The following ANKFN1 variants were observed in gnomAD, a reference collection of about 807,000 sequenced individuals.
ANKFN1 encodes ankyrin repeat and fibronectin type III domain containing 1.
A neutral mutation model predicts 108.7 loss-of-function variants in ANKFN1; 74 were observed. That is an observed-to-expected ratio of 0.68 (90% CI 0.56 to 0.83). The LOEUF (loss-of-function observed/expected upper bound fraction) is 0.83, where lower values mean the gene tolerates loss of function less well. ANKFN1 is among the 40% of genes least tolerant of loss of function. The pLI is 0.00. For missense variants in ANKFN1, 1,505 were observed against 1,382.3 expected, an observed-to-expected ratio of 1.09 and a Z score of -1.41; for synonymous variants, 547 against 516.2, an observed-to-expected ratio of 1.06 and a Z score of -0.81.
Position 56,374,622 on chromosome 17 carries a change from A to C in ANKFN1, c.818A>C (p.Asn273Thr). The change falls in exon 8 of 21, where the codon AAT (asparagine) becomes ACT (threonine). Residue 273 changes from asparagine (N) to threonine (T), a missense_variant. Asn to Thr is a moderately conservative substitution (Grantham distance 65, BLOSUM62 0). Coordinates refer to ENST00000682825, the MANE Select transcript of ANKFN1 (RefSeq NM_001370326.1). ...EHARAPEMPTNVCLMVTSSTS... is the reference protein window; with the variant it reads ...EHARAPEMPTTVCLMVTSSTS... ...CCAGGAGCCCCTGAGATGCCAACCAATGTCTGTCTCATGGTAACCAGCAGC... is the reference window on the plus strand; with the variant it reads ...CCAGGAGCCCCTGAGATGCCAACCACTGTCTGTCTCATGGTAACCAGCAGC... 1 of 1,613,752 alleles carries C rather than the reference A, an allele frequency of 6.2e-7. No individual in the cohort carries two copies. Among genetic ancestry groups the C allele is most frequent in the Non-Finnish European group, 8.5e-7 (1 of 1,179,792 alleles).
chr17:56,513,662 G>A lies in ANKFN1; in HGVS notation c.*2393G>A, dbSNP rs1039995576. On this transcript the variant is annotated 3_prime_UTR_variant, in exon 21 of 21. Transcript: ENST00000682825. ...TTCTGACCCCTCATTTGGTCAGTAA[G>A]TTCTGGCATACTGGACCAAAACTGC... Among the ~76,000 whole-genome samples the A allele has an allele frequency of 1.3e-5, 2 of 152,180 alleles. No individual in the cohort carries two copies. Among genetic ancestry groups the A allele is most frequent in the Non-Finnish European group, 2.9e-5 (2 of 68,036 alleles).
At chr17:56,334,256 A>G (rs907043012) in intron 4 of ANKFN1, among the ~76,000 whole-genome samples, 1 of 152,030 alleles carries the variant, frequency 6.6e-6, no homozygotes, top group Non-Finnish European at 1.5e-5. Context: ...AGAAAATGAA[A>G]CATGATCTAT....
intron 4 of ANKFN1, among the ~76,000 whole-genome samples, chr17:56,133,527 C>A (rs1907407912): frequency 8.3e-6 from 1 of 119,856 alleles, no homozygotes; most frequent in Non-Finnish European, 1.7e-5. Context: ...GATGTGTATA[C>A]CTGTGTGTGT....
Position 56,470,315 on chromosome 17 carries a change from T to G in ANKFN1, c.1773+3744T>G, listed in dbSNP as rs1455825501. ...TTGGGTATATACCCAGTAATGGGAT[T>G]GCTGGGTCAAATAGTATTTCTGATT... On this transcript the variant is annotated intron_variant, in intron 15 of 20. Transcript: ENST00000682825. Among the ~76,000 whole-genome samples the G allele has an allele frequency of 2.0e-5, 3 of 152,232 alleles. No individual in the cohort carries two copies. In the East Asian group the frequency reaches 5.8e-4, roughly 29 times the overall value.
chr17:56,496,147 C>CA (rs1179462315), intron 19 of ANKFN1, among the ~76,000 whole-genome samples: 1 of 152,136 alleles, frequency 6.6e-6, no homozygotes, highest in Non-Finnish European at 1.5e-5. Context: ...TCATTAAACT[C>CA]AATCCACAGG....
At chr17:56,182,040 A>G (rs574474179) in intron 1 of ANKFN1, among the ~76,000 whole-genome samples, 1 of 152,288 alleles carries the variant, frequency 6.6e-6, no homozygotes, top group East Asian at 1.9e-4. Context: ...TGTGATAGCA[A>G]ACTTAATCAA....
chr17:56,466,987 C>T (rs2050094331), intron 15 of ANKFN1, among the ~76,000 whole-genome samples: 1 of 151,976 alleles, frequency 6.6e-6, no homozygotes, highest in South Asian at 2.1e-4. Flanking sequence ...GTATGTGGTG[C>T]ACACTTATAA....
chr17:56,476,428 C>T (rs2050502161), intron 15 of ANKFN1, among the ~76,000 whole-genome samples: 1 of 152,222 alleles, frequency 6.6e-6, no homozygotes, highest in African/African-American at 2.4e-5. Flanking sequence ...CATCCCTGTA[C>T]TTAACTTGGT....
rs759550864 is a variant in ANKFN1 at position 56,354,074 on chromosome 17, A to G, written c.601+28A>G. 6 of 1,606,208 alleles carry G rather than the reference A, an allele frequency of 3.7e-6. No individual in the cohort carries two copies. The Admixed American group carries it at 6.8e-5, about 18-fold the overall frequency. ...AAGTAACCTGAGAATAAACACATGT[A>G]CTATTAAAGCCAGATTCCAGCCTTA... On this transcript the variant is annotated intron_variant, in intron 6 of 20. Transcript: ENST00000682825.
chr17:56,228,722 G>C (rs757216923), intron 3 of ANKFN1, among the ~76,000 whole-genome samples: 6 of 152,056 alleles, frequency 3.9e-5, no homozygotes, highest in Non-Finnish European at 8.8e-5. Context: ...GACCCTAGCT[G>C]TTCAAAAGTA....
intron 3 of ANKFN1, 61 bp from the exon 4 acceptor site, chr17:56,326,160 A>G (rs1230439982): frequency 1.9e-6 from 3 of 1,539,836 alleles, no homozygotes; most frequent in Non-Finnish European, 8.7e-7. Flanking sequence ...GAGTATCTTC[A>G]TGATCATGGA....
chr17:56,436,655 C>T (rs2048939036), intron 8 of ANKFN1, among the ~76,000 whole-genome samples: 2 of 151,956 alleles, frequency 1.3e-5, no homozygotes, highest in African/African-American at 4.8e-5. Context: ...CATGATGAAA[C>T]CCCGTCTCTA....
chr17:56,148,192 T>C (rs1481000326), intron 4 of ANKFN1, among the ~76,000 whole-genome samples: 1 of 152,204 alleles, frequency 6.6e-6, no homozygotes, highest in Non-Finnish European at 1.5e-5. Flanking sequence ...TTAGAGGACT[T>C]GATCAAGGAA....
chr17:56,456,773 AG>A, intron 11 of ANKFN1, 87 bp from the exon 12 acceptor site: 1 of 997,552 alleles, frequency 1.0e-6, no homozygotes, highest in Non-Finnish European at 1.6e-6. Flanking sequence ...GGGATGGGGG[AG>A]GGGAAGGCAG....
chr17:56,497,632 A>G (rs562509785), intron 19 of ANKFN1, among the ~76,000 whole-genome samples: 1 of 152,292 alleles, frequency 6.6e-6, no homozygotes, highest in South Asian at 2.1e-4. Context: ...TAGTTTTAAA[A>G]CTTCCACAAT....
intron 8 of ANKFN1, among the ~76,000 whole-genome samples, chr17:56,375,496 G>T (rs1338708771): frequency 6.6e-6 from 1 of 152,148 alleles, no homozygotes; most frequent in African/African-American, 2.4e-5. Flanking sequence ...CGAAATTAAG[G>T]CTAGGGAGTT....
chr17:56,259,501 G>GTCACTTACTCTTAGACTTCTGTTTCC (rs2043449147), intron 3 of ANKFN1, among the ~76,000 whole-genome samples: 1 of 152,090 alleles, frequency 6.6e-6, no homozygotes, highest in Non-Finnish European at 1.5e-5. Context: ...TCCCTGTTTT[G>GTCACTTACTCTTAGACTTCTGTTTCC]TCACTTACTC....
chr17:56,352,248 C>G (rs2046267246), intron 5 of ANKFN1, among the ~76,000 whole-genome samples: 1 of 152,182 alleles, frequency 6.6e-6, no homozygotes, highest in Non-Finnish European at 1.5e-5. Context: ...ATTGTCAAAA[C>G]AAGCATTTGC....
intron 14 of ANKFN1, among the ~76,000 whole-genome samples, chr17:56,459,135 G>A (rs111668742): frequency 2.6e-3 from 401 of 152,114 alleles, no homozygotes; most frequent in Middle Eastern, 0.01. Flanking sequence ...TGGTGGAATG[G>A]AATCTCTCTC....
Sources: gnomAD v4.1 joint callset for allele counts (sites outside exome capture counted in the v4.1 genomes callset) on GRCh38, gnomAD v4.1.1 for gene constraint, MANE v1.5 for transcripts, NCBI Gene and HGNC (gene_info 2026-07-23, HGNC 2026-07-21) for gene names.